GRID2: variants seen among roughly 807,000 people sequenced by gnomAD.
The protein encoded by GRID2 is glutamate receptor ionotropic, delta-2.
Under a neutral mutation model 114.8 loss-of-function variants are expected in GRID2, and 33 were observed. That is an observed-to-expected ratio of 0.29 (90% CI 0.22 to 0.38). The LOEUF is 0.38. Among genes scored for constraint, GRID2 ranks in the 10% least tolerant of loss-of-function variants. The pLI is 1.00. For missense variants in GRID2, 1,184 were observed against 1,257.7 expected (o/e 0.94, Z 0.89); for synonymous variants, 505 against 449.9 (o/e 1.12, Z -1.55).
At chr4:93,625,535 C>T (rs1742623561) in intron 13 of GRID2, among the ~76,000 whole-genome samples, 1 of 152,226 alleles carries the variant, frequency 6.6e-6, no homozygotes, top group Non-Finnish European at 1.5e-5. Context: ...TCTGCAGGTT[C>T]TGCATGTGCA....
rs116777833 is a variant in GRID2 at position 93,396,843 on chromosome 4, G to A, written c.1347+1135G>A. ...GTCTAAATAGCCATAAACCACGAAGGCATACATTCTCCTTTGCTATTCCAA... is the reference window on the plus strand; with the variant it reads ...GTCTAAATAGCCATAAACCACGAAGACATACATTCTCCTTTGCTATTCCAA... On this transcript the variant is annotated intron_variant, in intron 9 of 15. Coordinates refer to ENST00000282020, the MANE Select transcript of GRID2 (RefSeq NM_001510.4). 6.5e-3 allele frequency among the ~76,000 whole-genome samples: 988 copies of A among 152,018 alleles called. 8 individuals carry two copies. Among genetic ancestry groups the A allele is most frequent in the African/African-American group, 0.023 (936 of 41,508 alleles).
chr4:93,755,675 CA>C (rs1282651283), intron 14 of GRID2, among the ~76,000 whole-genome samples: 2 of 152,156 alleles, frequency 1.3e-5, no homozygotes, highest in Admixed American at 6.5e-5. Flanking sequence ...AAATGCTATA[CA>C]TTTAATGATG....
intron 1 of GRID2, among the ~76,000 whole-genome samples, chr4:92,323,627 A>G (rs1726440485): frequency 6.6e-6 from 1 of 151,960 alleles, no homozygotes; most frequent in Non-Finnish European, 1.5e-5. Context: ...TTGTGGTCTT[A>G]TCACTTTCTA....
intron 2 of GRID2, among the ~76,000 whole-genome samples, chr4:92,618,136 T>A (rs1429099304): frequency 6.6e-6 from 1 of 151,764 alleles, no homozygotes; most frequent in Non-Finnish European, 1.5e-5. Flanking sequence ...CTAAAAATTA[T>A]ATATTTTCTA....
intron 2 of GRID2, among the ~76,000 whole-genome samples, chr4:92,886,164 G>T (rs1410918124): frequency 6.6e-6 from 1 of 151,956 alleles, no homozygotes; most frequent in African/African-American, 2.4e-5. Context: ...CAATATTGGG[G>T]AACAGCCAGT....
At chr4:92,669,946 TA>T (rs1229098508) in intron 2 of GRID2, among the ~76,000 whole-genome samples, 11 of 152,020 alleles carry the variant, frequency 7.2e-5, no homozygotes, top group Non-Finnish European at 1.5e-4. Flanking sequence ...GTACTGTAGG[TA>T]ATTGAGCTAT....
intron 2 of GRID2, among the ~76,000 whole-genome samples, chr4:92,831,804 G>A (rs1381251499): frequency 1.3e-5 from 2 of 152,020 alleles, no homozygotes; most frequent in African/African-American, 4.8e-5. Context: ...AGGCTGCAGT[G>A]AGCTGAGATC....
intron 8 of GRID2, among the ~76,000 whole-genome samples, chr4:93,321,800 A>G (rs1757246768): frequency 6.6e-6 from 1 of 151,972 alleles, no homozygotes; most frequent in South Asian, 2.1e-4. Context: ...CACATTTGTG[A>G]TTAACTCAGT....
At chr4:93,606,094 C>A (rs1376126230) in intron 13 of GRID2, among the ~76,000 whole-genome samples, 3 of 151,908 alleles carry the variant, frequency 2.0e-5, no homozygotes, top group African/African-American at 7.3e-5. Flanking sequence ...TGGTGATACC[C>A]CATCTCTACT....
At chr4:92,822,349 A>G (rs1741348604) in intron 2 of GRID2, 1 of 628,298 alleles carries the variant, frequency 1.6e-6, no homozygotes, top group East Asian at 4.2e-5. Flanking sequence ...CAGTGTTCAG[A>G]TGGACTGTGT....
At chr4:92,665,690 A>C (rs1473612240) in intron 2 of GRID2, among the ~76,000 whole-genome samples, 1 of 150,588 alleles carries the variant, frequency 6.6e-6, no homozygotes, top group Non-Finnish European at 1.5e-5. Context: ...ATTTTACCAC[A>C]TATAGGATTC....
intron 4 of GRID2, among the ~76,000 whole-genome samples, chr4:93,166,924 A>T (rs548834501): frequency 2.6e-5 from 4 of 152,246 alleles, no homozygotes; most frequent in Admixed American, 2.6e-4. Flanking sequence ...GATGCTCTGT[A>T]ATGAGCCTTC....
chr4:92,957,681 T>C (rs538380028), intron 2 of GRID2, among the ~76,000 whole-genome samples: 1 of 152,028 alleles, frequency 6.6e-6, no homozygotes, highest in Non-Finnish European at 1.5e-5. Flanking sequence ...TTAGTAGATA[T>C]CTACAAAATA....
At chr4:93,016,868 G>A (rs772554530) in intron 2 of GRID2, among the ~76,000 whole-genome samples, 8 of 152,050 alleles carry the variant, frequency 5.3e-5, no homozygotes, top group Non-Finnish European at 1.0e-4. Context: ...ACATTATTAG[G>A]TTTGAAATTT....
chr4:93,506,420 C>T (rs565402690), intron 12 of GRID2, among the ~76,000 whole-genome samples: 7 of 152,208 alleles, frequency 4.6e-5, no homozygotes, highest in Non-Finnish European at 7.4e-5. Context: ...CTAGACCAAA[C>T]GCATCTTATA....
At chr4:92,871,214 T>C (rs933723366) in intron 2 of GRID2, among the ~76,000 whole-genome samples, 1 of 152,148 alleles carries the variant, frequency 6.6e-6, no homozygotes, top group Non-Finnish European at 1.5e-5. Flanking sequence ...CTTTTTTATT[T>C]TTTTGTTTTA....
intron 2 of GRID2, among the ~76,000 whole-genome samples, chr4:92,957,077 C>T (rs898165378): frequency 3.3e-5 from 5 of 151,938 alleles, no homozygotes; most frequent in African/African-American, 7.3e-5. Context: ...GTCTTTTGCA[C>T]GTATTTTCTC....
chr4:93,581,779 A>C (rs955252035), intron 13 of GRID2, among the ~76,000 whole-genome samples: 7 of 152,130 alleles, frequency 4.6e-5, no homozygotes, highest in Middle Eastern at 3.2e-3. Context: ...CTCTTTCTCT[A>C]TCAATCCTGC....
intron 8 of GRID2, among the ~76,000 whole-genome samples, chr4:93,343,932 G>T (rs1466256184): frequency 1.3e-5 from 2 of 152,014 alleles, no homozygotes; most frequent in African/African-American, 2.4e-5. Context: ...GAATATAATG[G>T]TCTATTAGTA....
Sources: allele counts gnomAD v4.1 joint callset (sites outside exome capture counted in the v4.1 genomes callset), GRCh38; gene constraint gnomAD v4.1.1; transcripts MANE v1.5; gene names NCBI Gene and HGNC (gene_info 2026-07-23, HGNC 2026-07-21).